Variants in HPS1 observed in about 807,000 individuals in gnomAD.
The protein encoded by HPS1 is HPS1 biogenesis of lysosomal organelles complex 3 subunit 1.
HPS1 carries 59 observed loss-of-function variants against 90.6 expected under a neutral mutation model. That is an observed-to-expected ratio of 0.65 (90% CI 0.53 to 0.81). HPS1 has a LOEUF of 0.81. HPS1 is among the 30% of genes least tolerant of loss of function. The pLI is 0.00. For missense variants in HPS1, 849 were observed against 896.7 expected (o/e 0.95, Z 0.68); for synonymous variants, 388 against 384.4 (o/e 1.01, Z -0.11).
At chr10:98,421,750 T>G (rs1357971331) in intron 17 of HPS1, among the ~76,000 whole-genome samples, 1 of 152,246 alleles carries the variant, frequency 6.6e-6, no homozygotes, top group Admixed American at 6.5e-5. Context: ...TATCCTCTCA[T>G]GTACTCTTCA....
At chr10:98,429,967 AC>A in intron 8 of HPS1, 78 bp from the exon 9 acceptor site, 1 of 1,340,160 alleles carries the variant, frequency 7.5e-7, no homozygotes, top group Non-Finnish European at 1.0e-6. Context: ...CCAGCGCTTC[AC>A]AGAGAAGCCT....
chr10:98,418,854 C>T (rs1160248760), intron 18 of HPS1, among the ~76,000 whole-genome samples: 1 of 152,264 alleles, frequency 6.6e-6, no homozygotes, highest in Non-Finnish European at 1.5e-5. Context: ...CACGGGGCCA[C>T]CCAAGCACAC....
At chr10:98,423,412 G>C (rs1282646470) in intron 16 of HPS1, among the ~76,000 whole-genome samples, 191 bp downstream of exon 16, 1 of 151,962 alleles carries the variant, frequency 6.6e-6, no homozygotes, top group East Asian at 1.9e-4. Flanking sequence ...ATTTCAGCTT[G>C]AAGTATTCCT....
chr10:98,442,128 A>C (rs943201540), intron 3 of HPS1, among the ~76,000 whole-genome samples: 1 of 152,242 alleles, frequency 6.6e-6, no homozygotes, highest in African/African-American at 2.4e-5. Flanking sequence ...GATACAATAG[A>C]TTACTACTCA....
In HPS1 at chr10:98,425,617, C is replaced by T. The variant is rs947511620; in HGVS notation, c.1259G>A (p.Arg420His). ...KEGPEPGASL[R>H]SQPLVGDLRQ... is the part of the protein sequence containing the mutation. ...CAGGTCTCCCACGAGGGGCTGGGAG[C>T]GCAGGGAGGCCCCGGGCTCCGGCCC... is the stretch of plus-strand genomic sequence containing the variant. The change falls in exon 13 of 20, where the codon CGC (arginine) becomes CAC (histidine). Residue 420 changes from arginine to histidine, a missense_variant. Coordinates refer to ENST00000361490, the MANE Select transcript of HPS1 (RefSeq NM_000195.5). The T allele has an allele frequency of 1.2e-6, 2 of 1,613,798 alleles. No homozygotes were observed. Among genetic ancestry groups the T allele is most frequent in the South Asian group, 1.1e-5 (1 of 91,044 alleles).
chr10:98,423,446 A>G (rs998720660), intron 16 of HPS1, among the ~76,000 whole-genome samples, 157 bp downstream of exon 16: 7 of 152,112 alleles, frequency 4.6e-5, no homozygotes, highest in Non-Finnish European at 1.0e-4. Flanking sequence ...ATGGGCCACT[A>G]TGTCCCATTA....
At chr10:98,443,369 G>C (rs1938804980) in intron 2 of HPS1, 129 bp from the exon 3 acceptor site, 1 of 782,712 alleles carries the variant, frequency 1.3e-6, no homozygotes, top group Non-Finnish European at 2.3e-6. Context: ...GGCATCACAA[G>C]GGACTTCCAT....
intron 14 of HPS1, among the ~76,000 whole-genome samples, chr10:98,424,100 T>G (rs963733009): frequency 6.6e-6 from 1 of 152,020 alleles, no homozygotes; most frequent in Non-Finnish European, 1.5e-5. Context: ...GACAGACAGA[T>G]GGAAAGACCT....
At chr10:98,430,523 A>G in intron 8 of HPS1, 48 bp downstream of exon 8, 1 of 1,456,304 alleles carries the variant, frequency 6.9e-7, no homozygotes, top group Non-Finnish European at 9.4e-7. Flanking sequence ...AGGTTTTCTG[A>G]ACTACCTCCC....
In HPS1 at chr10:98,434,105, C is replaced by T. The variant is rs1260083432; in HGVS notation, c.399-14G>A. 6.5e-7 allele frequency: 1 copy of T among 1,547,134 alleles called. No homozygotes were observed. The highest frequency in any genetic ancestry group is 8.7e-7 in the Non-Finnish European group (1 of 1,146,750). ...GGGGGCCGCAGCCTGGGGGCAGAGC[C>T]AGAGAGGGCGGGAGAGATCACAAGA... On this transcript the variant is annotated splice_polypyrimidine_tract_variant and intron_variant, in intron 5 of 19. Coordinates refer to ENST00000361490, the MANE Select transcript of HPS1 (RefSeq NM_000195.5).
downstream of HPS1, among the ~76,000 whole-genome samples, chr10:98,415,997 CAG>C (rs1472945227): frequency 6.6e-6 from 1 of 152,216 alleles, no homozygotes; most frequent in Non-Finnish European, 1.5e-5. Context: ...CATTACTTAG[CAG>C]AGTGTTCCCC....
chr10:98,415,181 T>C (rs745977588), downstream of HPS1: 45 of 1,598,550 alleles, frequency 2.8e-5, no homozygotes, highest in Admixed American at 8.4e-5. Context: ...TTGCTAGCGA[T>C]TGGCTTTTGT....
intron 8 of HPS1, among the ~76,000 whole-genome samples, 189 bp from the exon 9 acceptor site, chr10:98,430,078 T>C (rs1471437617): frequency 6.6e-6 from 1 of 152,148 alleles, no homozygotes; most frequent in Non-Finnish European, 1.5e-5. Context: ...CTGTGGAAAT[T>C]CGAGAAATTC....
chr10:98,435,909 G>A lies in HPS1; in HGVS notation c.118-137C>T. The A allele has an allele frequency of 9.2e-7, 1 of 1,089,310 alleles. No individual in the cohort carries two copies. The highest frequency in any genetic ancestry group is 1.3e-6 in the Non-Finnish European group (1 of 750,414). 67.5% of individuals were successfully genotyped at this position (1,089,310 alleles called of 1,614,324 possible). The stretch of plus-strand genomic sequence containing the variant: ...GGGAGGGTATCACTGTCCTGGTAGG[G>A]AGGGGAGCAAAAAGAGACTGTCCCC... On this transcript the variant is annotated intron_variant, in intron 3 of 19. Transcript: ENST00000361490. This position sits in a 1 kb window ranked among gnomAD's most constrained non-coding sequence, Gnocchi z 4.3.
rs1844265318 is a variant in HPS1, at chr10:98,417,627, C to T, written c.2040G>A (p.Leu680=). The T allele has an allele frequency of 1.9e-6, 3 of 1,613,472 alleles. No homozygotes were observed. The highest frequency in any genetic ancestry group is 2.5e-6 in the Non-Finnish European group (3 of 1,179,898). ...GGGCCAGCTGGCCGGCCTGCTGCAC[C>T]AGCAGGTCAGTGGGGATGACAGACA... is the stretch of plus-strand genomic sequence containing the variant. ...LHLSVIPTDL[L]VQQAGQLARR... The change falls in exon 20 of 20, where the codon CTG becomes CTA. Residue 680 remains leucine, a synonymous_variant. Coordinates refer to ENST00000361490, the MANE Select transcript of HPS1 (RefSeq NM_000195.5). This position sits in a 1 kb window ranked among gnomAD's most constrained non-coding sequence, Gnocchi z 4.2.
chr10:98,427,204 G>A lies in HPS1; in HGVS notation c.987+11C>T, dbSNP rs1354117742. On this transcript the variant is annotated intron_variant, in intron 11 of 19. Coordinates refer to ENST00000361490, the MANE Select transcript of HPS1 (RefSeq NM_000195.5). ...TCAGCTGGCGCCCAGGCAGGCACAGGAGAAACTCACCTGAAGGGCATCCAT... is the reference window on the plus strand; with the variant it reads ...TCAGCTGGCGCCCAGGCAGGCACAGAAGAAACTCACCTGAAGGGCATCCAT... 10 of 1,550,534 alleles carry A rather than the reference G, an allele frequency of 6.4e-6. No homozygotes were observed. The highest frequency in any genetic ancestry group is 2.4e-5 in the South Asian group (2 of 84,036).
chr10:98,431,244 C>A lies in HPS1; in HGVS notation c.555G>T (p.Glu185Asp), dbSNP rs1272611918. 1 of 1,614,020 alleles carries A rather than the reference C, an allele frequency of 6.2e-7. No homozygotes were observed. ...CCTGGATGACGTGCCGCTCCAGCGC[C>A]TCTATGCACAGCTCACAGAGCTGGG... Reference protein sequence around the residue: ...IHPQLCELCIEALERHVIQAV... With the variant: ...IHPQLCELCIDALERHVIQAV... The change falls in exon 7 of 20, where the codon GAG (glutamate) becomes GAT (aspartate). Residue 185 changes from glutamate to aspartate, a missense_variant. Coordinates refer to ENST00000361490, the MANE Select transcript of HPS1 (RefSeq NM_000195.5).
In HPS1 at chr10:98,435,346, C is replaced by G. The variant is rs375319392; in HGVS notation, c.324G>C (p.Lys108Asn). 31 of 1,613,984 alleles carry G rather than the reference C, an allele frequency of 1.9e-5. No homozygotes were observed. Among genetic ancestry groups the G allele is most frequent in the Non-Finnish European group, 2.5e-5 (29 of 1,179,992 alleles). Residue 108 changes from lysine (K) to asparagine (N), a missense_variant, in exon 5 of 20, where the codon AAG becomes AAC. By Grantham distance (94) the Lys-to-Asn change is moderately conservative. Coordinates refer to ENST00000361490, the MANE Select transcript of HPS1 (RefSeq NM_000195.5). The surrounding 1 kb of genome is among the most constrained non-coding windows in gnomAD (Gnocchi z 4.3). ...HTESEGDLRR[K>N]LYVLKYLFEV... is the part of the protein sequence containing the mutation. ...CAAACAGGTACTTGAGCACATACAG[C>G]TTCCGCCGCAGGTCCCCCTCGCTCT... is the stretch of plus-strand genomic sequence containing the variant.
intron 2 of HPS1, among the ~76,000 whole-genome samples, chr10:98,444,813 G>A (rs1046799162): frequency 3.9e-5 from 6 of 152,216 alleles, no homozygotes; most frequent in Non-Finnish European, 7.3e-5. Flanking sequence ...CACTGAGAGT[G>A]CAACAGGTGT....
Sources: allele counts gnomAD v4.1 joint callset (sites outside exome capture counted in the v4.1 genomes callset), GRCh38; gene constraint gnomAD v4.1.1; non-coding constraint Gnocchi (gnomAD v3.1); transcripts MANE v1.5; gene names NCBI Gene and HGNC (gene_info 2026-07-23, HGNC 2026-07-21).